The following BCAR1 variants were observed in gnomAD, a reference collection of about 807,000 sequenced individuals.
The protein encoded by BCAR1 is breast cancer anti-estrogen resistance protein 1.
In BCAR1, 30 loss-of-function variants were observed where a neutral mutation model predicts 67.6. The ratio of observed to expected loss-of-function variants is 0.44; its 90% CI spans 0.33 to 0.60. BCAR1 has a LOEUF of 0.60. BCAR1 is among the 20% of genes least tolerant of loss of function. BCAR1 has a pLI of 0.02. For synonymous variants in BCAR1, 626 were observed against 556.7 expected (o/e 1.12, Z -1.75); for missense variants, 1,313 against 1,222.3 (o/e 1.07, Z -1.11).
rs746376714 is a variant in BCAR1 at position 75,240,016 on chromosome 16, C to T, written c.633+2454G>A. On this transcript the variant is annotated intron_variant, in intron 2 of 6. Transcript: ENST00000162330. The stretch of plus-strand genomic sequence containing the variant: ...ATGAAAGAGCCTCTGCCCTCAGATT[C>T]CTACAGCCCACACCCGGCCCAAAGA... 2.6e-4 allele frequency among the ~76,000 whole-genome samples: 39 copies of T among 152,322 alleles called. No homozygotes were observed. In the Middle Eastern group the frequency reaches 0.017, roughly 66 times the overall value.
rs1465290702 is a variant in BCAR1, at chr16:75,237,304, T to G, written c.674A>C (p.Glu225Ala). Residue 225 changes from glutamate to alanine, a missense_variant, in exon 3 of 7, where the codon GAG becomes GCG. Around this residue, in one of 2 missense-constraint regions of BCAR1, gnomAD observed 1,272 missense variants for 1,137.5 expected, o/e 1.12. Coordinates refer to ENST00000162330, the MANE Select transcript of BCAR1 (RefSeq NM_014567.5). ...PTRVGQGYVYEAAQPEQDEYD... is the reference protein window; with the variant it reads ...PTRVGQGYVYAAAQPEQDEYD... ...CTCGTCCTGCTCCGGCTGGGCGGCC[T>G]CGTATACATAGCCCTGCCCCACGCG... 3.3e-6 allele frequency: 5 copies of G among 1,522,084 alleles called. No homozygotes were observed. In the Admixed American group the frequency reaches 9.4e-5, roughly 29 times the overall value. The allele number at this position is 1,522,084 out of a possible 1,614,324, so 94.3% of individuals were successfully genotyped here.
At chr16:75,237,365 T>G in intron 2 of BCAR1, 21 bp from the exon 3 acceptor site, 1 of 1,450,350 alleles carries the variant, frequency 6.9e-7, no homozygotes, top group South Asian at 1.5e-5. Flanking sequence ...AGAGCCGACT[T>G]CACTGCTGCC....
intron 5 of BCAR1, 131 bp from the exon 6 acceptor site, chr16:75,234,066 CG>C (rs2077001390): frequency 4.0e-6 from 3 of 758,882 alleles, no homozygotes; most frequent in Non-Finnish European, 6.7e-6. Flanking sequence ...CACACGCACA[CG>C]TGGACGCACA....
Position 75,228,204 on chromosome 16 carries a change from T to C in BCAR1, c.*1307A>G, listed in dbSNP as rs1367562222. On this transcript the variant is annotated 3_prime_UTR_variant, in exon 7 of 7. Coordinates refer to ENST00000162330, the MANE Select transcript of BCAR1 (RefSeq NM_014567.5). ...CATTGAGAGCAACTGCATACACCTT[T>C]ACCTCTGTGTCCTCACCAAGGCAGG... 6.6e-6 allele frequency: 1 copy of C among 152,348 alleles called. No homozygotes were observed. Among genetic ancestry groups the C allele is most frequent in the African/African-American group, 2.4e-5 (1 of 41,472 alleles). 9.4% of individuals were successfully genotyped at this position (152,348 alleles called of 1,614,324 possible).
chr16:75,250,995 C>A, intron 1 of BCAR1: 1 of 986,072 alleles, frequency 1.0e-6, no homozygotes, highest in Non-Finnish European at 1.2e-6. Context: ...GCTGGCGCCA[C>A]GCACTTGCCC....
intron 1 of BCAR1, chr16:75,248,403 G>A (rs1361739032): frequency 1.7e-6 from 2 of 1,169,912 alleles, no homozygotes; most frequent in Non-Finnish European, 2.2e-6. Flanking sequence ...TTGTCCCAAA[G>A]AGCCTCCGTG....
At position 75,229,345 on chromosome 16, in the gene BCAR1, C is replaced by G; in HGVS notation, c.*166G>C. 1 of 1,162,568 alleles carries G rather than the reference C, an allele frequency of 8.6e-7. No homozygotes were observed. Among genetic ancestry groups the G allele is most frequent in the South Asian group, 1.8e-5 (1 of 56,812 alleles). The allele number at this position is 1,162,568 out of a possible 1,614,324, so 72.0% of individuals were successfully genotyped here. On this transcript the variant is annotated 3_prime_UTR_variant, in exon 7 of 7. Coordinates refer to ENST00000162330, the MANE Select transcript of BCAR1 (RefSeq NM_014567.5). ...TCCTGAGGAGGCATGGCCCCACACC[C>G]TGCCCGGCCATAAATATATACAGAT...
At chr16:75,264,342 C>G in intron 1 of BCAR1, 1 of 1,514,784 alleles carries the variant, frequency 6.6e-7, no homozygotes, top group Non-Finnish European at 8.8e-7. Context: ...CACTACTGCC[C>G]TGGGATACCG....
In BCAR1 at chr16:75,243,046, C is replaced by A; in HGVS notation, c.57G>T (p.Pro19=). 1 of 1,608,464 alleles carries A rather than the reference C, an allele frequency of 6.2e-7. No homozygotes were observed. ...KALYDNVAES[P]DELSFRKGDI... ...CACCCTTGCGGAAGGAGAGCTCATC[C>A]GGGGACTCGGCCACATTGTCATAGA... Residue 19 remains proline, a synonymous_variant, in exon 2 of 7, where the codon CCG becomes CCT. Transcript: ENST00000162330.
intron 2 of BCAR1, among the ~76,000 whole-genome samples, chr16:75,241,158 GGTGA>G (rs376678881): frequency 2.9e-3 from 435 of 152,348 alleles, no homozygotes; most frequent in African/African-American, 9.7e-3. Context: ...CTGTGTGTGG[GGTGA>G]GTATGCACGT....
At chr16:75,248,419 C>A (rs938254773) in intron 1 of BCAR1, 3 of 1,093,152 alleles carry the variant, frequency 2.7e-6, no homozygotes, top group African/African-American at 1.6e-5. Context: ...CCGTGGCCAA[C>A]GGATGCAGGC....
chr16:75,241,347 G>T (rs537441354), intron 2 of BCAR1, among the ~76,000 whole-genome samples: 1 of 152,152 alleles, frequency 6.6e-6, no homozygotes, highest in Non-Finnish European at 1.5e-5. Context: ...ATGGGTGTTC[G>T]TATCTGTGGG....
At position 75,251,474 on chromosome 16, in the gene BCAR1, G is replaced by A; in HGVS notation, c.9C>T (p.His3=). The A allele has an allele frequency of 7.0e-7, 1 of 1,423,318 alleles. No homozygotes were observed. The highest frequency in any genetic ancestry group is 9.2e-7 in the Non-Finnish European group (1 of 1,086,252). 88.2% of individuals were successfully genotyped at this position (1,423,318 alleles called of 1,614,324 possible). A position where few individuals can be genotyped will look rare whatever the true frequency, so the allele number is the denominator to read the frequency against. ...CGGCCCCACCTGGCGCCCTCACCAG[G>A]TGGTTCATGGTGTCCGGCGGGCCTG... MN[H]LNVLAKALYD... Residue 3 remains histidine, a synonymous_variant, in exon 1 of 7, where the codon CAC becomes CAT. Transcript: ENST00000162330.
chr16:75,237,989 G>T (rs1008458050), intron 2 of BCAR1: 86 of 1,267,000 alleles, frequency 6.8e-5, no homozygotes, highest in Non-Finnish European at 8.8e-5. Flanking sequence ...CTGCCCCGGG[G>T]GAGCTGCCTG....
At chr16:75,265,764 G>A (rs2077996862) in intron 1 of BCAR1, 5 of 1,195,276 alleles carry the variant, frequency 4.2e-6, no homozygotes, top group Non-Finnish European at 2.1e-6. Context: ...CAGCGGGCGG[G>A]GCGAGGTCGC....
intron 2 of BCAR1, among the ~76,000 whole-genome samples, chr16:75,241,537 C>A (rs564207081): frequency 6.6e-6 from 1 of 152,204 alleles, no homozygotes; most frequent in Non-Finnish European, 1.5e-5. Context: ...GCCAGCCAGG[C>A]TCGCCTCTGA....
Position 75,248,154 on chromosome 16 carries a change from G to C in BCAR1, c.12+3317C>G. 4 of 1,586,610 alleles carry C rather than the reference G, an allele frequency of 2.5e-6. No homozygotes were observed. In the African/African-American group the frequency reaches 4.0e-5, roughly 16 times the overall value. On this transcript the variant is annotated intron_variant, in intron 1 of 6. Coordinates refer to ENST00000162330, the MANE Select transcript of BCAR1 (RefSeq NM_014567.5). ...AGAGGCCGACCCCAGGCTGAGACAC[G>C]GTGGAGCTGGGTGGCTCCACTTTAT...
At chr16:75,252,375 G>T (rs1042980353), upstream of BCAR1, 5 of 1,516,600 alleles carry the variant, frequency 3.3e-6, no homozygotes, top group Non-Finnish European at 3.5e-6. Flanking sequence ...ATCTGCTTCA[G>T]CGACATGGGG....
At position 75,228,898 on chromosome 16, in the gene BCAR1, T is replaced by C. The variant is rs1286957915; in HGVS notation, c.*613A>G. The C allele has an allele frequency of 6.6e-6, 1 of 152,342 alleles. No individual in the cohort carries two copies. The highest frequency in any genetic ancestry group is 1.5e-5 in the Non-Finnish European group (1 of 68,170). 9.4% of individuals were successfully genotyped at this position (152,342 alleles called of 1,614,324 possible). A position where few individuals can be genotyped will look rare whatever the true frequency, so the allele number is the denominator to read the frequency against. On this transcript the variant is annotated 3_prime_UTR_variant, in exon 7 of 7. Transcript: ENST00000162330. ...GGAGACACCCAGCCTCGGCGTTCCTTGGTTTTCTTCTAGAGAGACCCACTC... is the reference window on the plus strand; with the variant it reads ...GGAGACACCCAGCCTCGGCGTTCCTCGGTTTTCTTCTAGAGAGACCCACTC...
Sources: allele counts gnomAD v4.1 joint callset (sites outside exome capture counted in the v4.1 genomes callset), GRCh38; gene constraint gnomAD v4.1.1; regional missense constraint gnomAD v4.1.1; transcripts MANE v1.5; gene names NCBI Gene and HGNC (gene_info 2026-07-23, HGNC 2026-07-21).